The following CACNA2D3 variants were observed in gnomAD, a reference collection of about 807,000 sequenced individuals.
CACNA2D3 encodes the protein voltage-dependent calcium channel subunit alpha-2/delta-3.
In CACNA2D3, 60 loss-of-function variants were observed where a neutral mutation model predicts 160.6. That is an observed-to-expected ratio of 0.37 (90% CI 0.30 to 0.46). The LOEUF (loss-of-function observed/expected upper bound fraction) is 0.46, where lower values mean the gene tolerates loss of function less well. CACNA2D3 is among the 20% of genes least tolerant of loss of function. The pLI, the probability that CACNA2D3 is intolerant of heterozygous loss-of-function variation, is 1.00. For missense variants in CACNA2D3, 1,205 were observed against 1,365.0 expected (o/e 0.88, Z 1.85); for synonymous variants, 558 against 492.9 (o/e 1.13, Z -1.75).
At chr3:54,363,871 C>T (rs1698785593) in intron 3 of CACNA2D3, among the ~76,000 whole-genome samples, 1 of 152,204 alleles carries the variant, frequency 6.6e-6, no homozygotes, top group Non-Finnish European at 1.5e-5. Flanking sequence ...TCCTTCTCCT[C>T]TTAGCATGCT....
intron 35 of CACNA2D3, among the ~76,000 whole-genome samples, chr3:55,054,663 G>A (rs1015943782): frequency 1.3e-5 from 2 of 151,320 alleles, no homozygotes; most frequent in Non-Finnish European, 3.0e-5. Context: ...GCCAGATGTT[G>A]GTCTATCTTT....
In CACNA2D3 at chr3:54,668,893, C is replaced by T. The variant is rs146391490; in HGVS notation, c.1167+26652C>T. On this transcript the variant is annotated intron_variant, in intron 11 of 37. Coordinates refer to ENST00000474759, the MANE Select transcript of CACNA2D3 (RefSeq NM_018398.3). ...GGCACAAGTGCCTTCTGTGAGATAG[C>T]ATTTTTAGATGCTGTTCCACCTCCC... is the stretch of plus-strand genomic sequence containing the variant. 4.4e-3 allele frequency among the ~76,000 whole-genome samples: 667 copies of T among 152,328 alleles called. 7 individuals are homozygous for T. Among genetic ancestry groups the T allele is most frequent in the African/African-American group, 0.015 (625 of 41,576 alleles).
rs560356964 is a variant in CACNA2D3 at position 54,378,295 on chromosome 3, G to A, written c.322-8420G>A. 7.9e-5 allele frequency among the ~76,000 whole-genome samples: 12 copies of A among 152,300 alleles called. No individual in the cohort carries two copies. The South Asian group carries it at 8.3e-4, about 11-fold the overall frequency. ...CATTAGTTAGATTCTCTTAAGGAGC[G>A]TGCAGCCTGGATCCCTTGCATGCGC... On this transcript the variant is annotated intron_variant, in intron 3 of 37. Transcript: ENST00000474759.
intron 4 of CACNA2D3, among the ~76,000 whole-genome samples, chr3:54,451,816 A>C (rs1476127293): frequency 6.6e-6 from 1 of 152,156 alleles, no homozygotes; most frequent in Non-Finnish European, 1.5e-5. Flanking sequence ...CATCACTTAT[A>C]AGTTCTGCTT....
chr3:54,782,393 A>G (rs1702553134), intron 13 of CACNA2D3, among the ~76,000 whole-genome samples: 1 of 152,222 alleles, frequency 6.6e-6, no homozygotes, highest in South Asian at 2.1e-4. Flanking sequence ...ATTGTTTAGC[A>G]CTATGCCACG....
intron 2 of CACNA2D3, among the ~76,000 whole-genome samples, chr3:54,293,358 A>C (rs62253246): frequency 0.23 from 34,232 of 151,870 alleles, 4,046 homozygotes; most frequent in East Asian, 0.32. Context: ...CCACCTTACA[A>C]CCTTTCCCCA....
chr3:54,464,585 G>C (rs539505238), intron 4 of CACNA2D3, among the ~76,000 whole-genome samples: 12 of 152,164 alleles, frequency 7.9e-5, no homozygotes, highest in Non-Finnish European at 1.8e-4. Flanking sequence ...AGCCAAGTGC[G>C]GGATATAATC....
At chr3:54,590,464 A>C (rs1702837133) in intron 9 of CACNA2D3, among the ~76,000 whole-genome samples, 1 of 152,142 alleles carries the variant, frequency 6.6e-6, no homozygotes. Flanking sequence ...TAAAAGGGTA[A>C]CATGAGGGCT....
At chr3:54,981,648 C>T (rs80280511) in intron 29 of CACNA2D3, among the ~76,000 whole-genome samples, 5,958 of 152,250 alleles carry the variant, frequency 0.039, 398 homozygotes, top group African/African-American at 0.14. Context: ...CCTGAGCAGC[C>T]GTAGTGACCG....
intron 5 of CACNA2D3, among the ~76,000 whole-genome samples, chr3:54,509,051 T>C (rs1701415828): frequency 6.6e-6 from 1 of 152,194 alleles, no homozygotes; most frequent in African/African-American, 2.4e-5. Context: ...AACCTATTTT[T>C]CAAATGTTGA....
intron 2 of CACNA2D3, among the ~76,000 whole-genome samples, chr3:54,125,242 T>TACACACACACACACACACAC (rs59950857): frequency 2.7e-5 from 4 of 148,052 alleles, no homozygotes; most frequent in South Asian, 2.2e-4. Flanking sequence ...TCTTTGAAGT[T>TACACACACACACACACACAC]ACACACACAC....
intron 2 of CACNA2D3, among the ~76,000 whole-genome samples, chr3:54,141,095 G>A (rs1295112724): frequency 9.5e-6 from 1 of 104,802 alleles, no homozygotes; most frequent in East Asian, 3.2e-4. Context: ...GTGCGCGCGC[G>A]CGCGTGTGTG....
At chr3:54,232,913 G>A (rs1396717737) in intron 2 of CACNA2D3, among the ~76,000 whole-genome samples, 1 of 152,200 alleles carries the variant, frequency 6.6e-6, no homozygotes, top group Admixed American at 6.5e-5. Flanking sequence ...TCTGCAAAAT[G>A]CTGTACTGTC....
At chr3:54,382,969 T>C (rs1367482216) in intron 3 of CACNA2D3, among the ~76,000 whole-genome samples, 3 of 152,164 alleles carry the variant, frequency 2.0e-5, no homozygotes, top group African/African-American at 7.2e-5. Flanking sequence ...CACCTGAGTT[T>C]CACCGCTAGC....
At chr3:54,388,297 A>G (rs731508) in intron 4 of CACNA2D3, among the ~76,000 whole-genome samples, 1 of 152,002 alleles carries the variant, frequency 6.6e-6, no homozygotes, top group African/African-American at 2.4e-5. Context: ...AATGATACCC[A>G]AGTACTCTCT....
intron 5 of CACNA2D3, among the ~76,000 whole-genome samples, chr3:54,506,321 C>T (rs1234962898): frequency 6.6e-6 from 1 of 152,180 alleles, no homozygotes; most frequent in African/African-American, 2.4e-5. Context: ...AATCTTACCC[C>T]CAGCGAAGAA....
At chr3:54,834,624 T>C (rs1698629864) in intron 14 of CACNA2D3, among the ~76,000 whole-genome samples, 1 of 152,254 alleles carries the variant, frequency 6.6e-6, no homozygotes, top group Non-Finnish European at 1.5e-5. Context: ...TAAAGTTGTT[T>C]ACATATTCTT....
intron 2 of CACNA2D3, among the ~76,000 whole-genome samples, chr3:54,169,290 A>G (rs2107308167): frequency 6.6e-6 from 1 of 152,322 alleles, no homozygotes; most frequent in African/African-American, 2.4e-5. Flanking sequence ...CATGCCTACC[A>G]CAGGGCTGTG....
intron 17 of CACNA2D3, among the ~76,000 whole-genome samples, chr3:54,869,324 T>C (rs1289377284): frequency 6.6e-6 from 1 of 152,212 alleles, no homozygotes; most frequent in Non-Finnish European, 1.5e-5. Flanking sequence ...GAACCTGTTT[T>C]CCCAAATGCA....
Sources: gnomAD v4.1 joint callset for allele counts (sites outside exome capture counted in the v4.1 genomes callset) on GRCh38, gnomAD v4.1.1 for gene constraint, MANE v1.5 for transcripts, NCBI Gene and HGNC (gene_info 2026-07-23, HGNC 2026-07-21) for gene names.